PNPLA6: variants seen among roughly 807,000 people sequenced by gnomAD.
PNPLA6 encodes patatin like domain 6, lysophospholipase.
A neutral mutation model predicts 153.7 loss-of-function variants in PNPLA6; 105 were observed. The observed-to-expected ratio is 0.68, with a 90% CI of 0.58 to 0.80. PNPLA6 has a LOEUF of 0.80. Among genes scored for constraint, PNPLA6 ranks in the 30% least tolerant of loss-of-function variants. The pLI is 0.00. For synonymous variants in PNPLA6, 825 were observed against 822.2 expected, an observed-to-expected ratio of 1.00 and a Z score of -0.06; for missense variants, 1,423 against 1,919.3, an observed-to-expected ratio of 0.74 and a Z score of 4.83.
rs780867273 is a variant in PNPLA6 at position 7,558,832 on chromosome 19, A to AC, written c.3398-12dup. On this transcript the variant is annotated splice_polypyrimidine_tract_variant and intron_variant, in intron 27 of 31. Coordinates refer to ENST00000600737, the MANE Select transcript of PNPLA6 (RefSeq NM_001166114.2). ...GGCCCCCGAGGGGAGCAGCCCGCTG[A>AC]CCCCCCTGGCCCCACAGCGGACATC... 1.9e-5 allele frequency: 31 copies of AC among 1,596,206 alleles called. No individual in the cohort carries two copies. The South Asian group carries it at 2.5e-4, about 13-fold the overall frequency.
At position 7,542,633 on chromosome 19, in the gene PNPLA6, A is replaced by T; in HGVS notation, c.1325A>T (p.Glu442Val). 1.2e-6 allele frequency: 2 copies of T among 1,613,454 alleles called. No homozygotes were observed. Among genetic ancestry groups the T allele is most frequent in the Non-Finnish European group, 8.5e-7 (1 of 1,179,954 alleles). Residue 442 changes from glutamate to valine, a missense_variant, in exon 11 of 32, where the codon GAA becomes GTA. Glu to Val is a moderately radical substitution (Grantham distance 121). Around this residue, in one of 10 missense-constraint regions of PNPLA6, gnomAD observed 267 missense variants for 255.1 expected, o/e 1.05. Transcript: ENST00000600737. The stretch of plus-strand genomic sequence containing the variant: ...GGCCGGATCTCCGTGTCCCTGCAGG[A>T]AGAGGCCTCCGGGGGGTCCCTGGCA... ...ERGRISVSLQ[E>V]EASGGSLAAP...
rs769668311 is a variant in PNPLA6, at chr19:7,555,712, G to A, written c.3042G>A (p.Ala1014=). ...GCTCTTTCATCGGAGCGTTGTACGC[G>A]GAGGAGCGCAGCGCCAGCCGCACGA... ...SIGSFIGALY[A]EERSASRTKQ... Residue 1014 remains alanine, a synonymous_variant, in exon 24 of 32, where the codon GCG becomes GCA. Transcript: ENST00000600737. The surrounding 1 kb of genome is among the most constrained non-coding windows in gnomAD (Gnocchi z 6.3). The A allele has an allele frequency of 1.2e-6, 2 of 1,613,878 alleles. No individual in the cohort carries two copies. The highest frequency in any genetic ancestry group is 1.7e-6 in the Non-Finnish European group (2 of 1,179,896).
Position 7,559,372 on chromosome 19 carries a change from A to G in PNPLA6, c.3699+221A>G, listed in dbSNP as rs146280504. ...TGTAAGAACTTTCTCCTTATAGGCCAGCTGCACCCCTGGAAGCACTGTATA... is the reference window on the plus strand; with the variant it reads ...TGTAAGAACTTTCTCCTTATAGGCCGGCTGCACCCCTGGAAGCACTGTATA... On this transcript the variant is annotated intron_variant, in intron 28 of 31. Coordinates refer to ENST00000600737, the MANE Select transcript of PNPLA6 (RefSeq NM_001166114.2). 8.1e-3 allele frequency among the ~76,000 whole-genome samples: 1,232 copies of G among 152,306 alleles called. 9 individuals are homozygous for G. Among genetic ancestry groups the G allele is most frequent in the Middle Eastern group, 0.014 (4 of 294 alleles).
At chr19:7,542,466 C>G in intron 10 of PNPLA6, 95 bp from the exon 11 acceptor site, 2 of 938,574 alleles carry the variant, frequency 2.1e-6, no homozygotes, top group Non-Finnish European at 3.4e-6. Context: ...TCCCAAATAG[C>G]TGGAACTACA....
chr19:7,560,895 G>A (rs2024070190), intron 29 of PNPLA6, 119 bp from the exon 30 acceptor site: 1 of 853,350 alleles, frequency 1.2e-6, no homozygotes, highest in Admixed American at 2.0e-5. Flanking sequence ...GACCTCTGCT[G>A]ACTTCAGAGA....
intron 13 of PNPLA6, among the ~76,000 whole-genome samples, chr19:7,544,665 G>C (rs990537827): frequency 1.3e-5 from 2 of 152,032 alleles, no homozygotes; most frequent in African/African-American, 2.4e-5. Context: ...GCTTGGGGGA[G>C]AGAAGCCTGG....
At position 7,554,622 on chromosome 19, in the gene PNPLA6, C is replaced by T. The variant is rs774188638; in HGVS notation, c.2533C>T (p.Gln845Ter). ...GGATGCACACCGTATCGTACTCTAC[C>T]AGACGGACGCCTCGCTGACGCCCTG... Reference protein sequence around the residue: ...QEDAHRIVLYQTDASLTPWTV... With the variant: ...QEDAHRIVLY The change falls in exon 21 of 32, where the codon CAG becomes TAG. Residue 845 changes from glutamine (Q) to a stop codon, truncating the protein, a stop_gained. Coordinates refer to ENST00000600737, the MANE Select transcript of PNPLA6 (RefSeq NM_001166114.2). LOFTEE classifies it high-confidence loss of function. 25 of 1,614,066 alleles carry T rather than the reference C, an allele frequency of 1.5e-5. No homozygotes were observed. The highest frequency in any genetic ancestry group is 2.1e-5 in the Non-Finnish European group (25 of 1,179,996).
At chr19:7,536,426 C>T (rs1402605359) in intron 2 of PNPLA6, 23 bp from the exon 3 acceptor site, 1 of 1,553,830 alleles carries the variant, frequency 6.4e-7, no homozygotes, top group Admixed American at 1.7e-5. Flanking sequence ...GCAATTCACC[C>T]ATCTCCGCCT....
intron 18 of PNPLA6, among the ~76,000 whole-genome samples, chr19:7,553,342 C>T (rs979839845): frequency 6.6e-6 from 1 of 152,222 alleles, no homozygotes; most frequent in African/African-American, 2.4e-5. Flanking sequence ...ACCTCTGCCT[C>T]CCAGGTTCAA....
At position 7,550,741 on chromosome 19, in the gene PNPLA6, G is replaced by C. The variant is rs571932075; in HGVS notation, c.2070+101G>C. ...GGTAATCCAGGGAGTGGTGAATGCA[G>C]CTCCCGACCTCTGAGGTCACCCAGT... On this transcript the variant is annotated intron_variant, in intron 16 of 31. Coordinates refer to ENST00000600737, the MANE Select transcript of PNPLA6 (RefSeq NM_001166114.2). 2.3e-5 allele frequency: 34 copies of C among 1,448,746 alleles called. 1 individual carries two copies. In the East Asian group the frequency reaches 7.9e-4, roughly 34 times the overall value. 89.7% of individuals were successfully genotyped at this position (1,448,746 alleles called of 1,614,324 possible).
rs542305665 is a variant in PNPLA6 at position 7,545,687 on chromosome 19, G to A, written c.1608+2603G>A. 2.5e-4 allele frequency among the ~76,000 whole-genome samples: 38 copies of A among 152,178 alleles called. No homozygotes were observed. The South Asian group carries it at 7.7e-3, about 31-fold the overall frequency. Reference sequence around the variant, plus strand: ...AGCACCTTGGGAGGCCGAGGTGAGAGGATCACTTGAGGTCAGGAGTTCGAG... The same window carrying A: ...AGCACCTTGGGAGGCCGAGGTGAGAAGATCACTTGAGGTCAGGAGTTCGAG... On this transcript the variant is annotated intron_variant, in intron 13 of 31. Transcript: ENST00000600737.
At chr19:7,536,344 A>G in intron 2 of PNPLA6, 71 bp downstream of exon 2, 1 of 1,423,856 alleles carries the variant, frequency 7.0e-7, no homozygotes, top group Non-Finnish European at 9.9e-7. Flanking sequence ...TACACTTCTT[A>G]GTGTCCGCCA....
rs1315578792 is a variant in PNPLA6 at position 7,554,291 on chromosome 19, A to AGTGGGGAGGGTGGTGG, written c.2465+25_2465+40dup. 1 of 1,475,066 alleles carries AGTGGGGAGGGTGGTGG rather than the reference A, an allele frequency of 6.8e-7. No individual in the cohort carries two copies. Among genetic ancestry groups the AGTGGGGAGGGTGGTGG allele is most frequent in the African/African-American group, 1.4e-5 (1 of 71,030 alleles). 91.4% of individuals were successfully genotyped at this position (1,475,066 alleles called of 1,614,324 possible). ...TGGATAGGTGTGTGTTGCAGAAGGGAGTGGGGAGGGTGGTGGGTGGGCCTG... is the reference window on the plus strand; with the variant it reads ...TGGATAGGTGTGTGTTGCAGAAGGGAGTGGGGAGGGTGGTGGGTGGGGAGGGTGGTGGGTGGGCCTG... On this transcript the variant is annotated intron_variant, in intron 20 of 31. Transcript: ENST00000600737.
rs554624192 is a variant in PNPLA6, at chr19:7,542,568, G to A, written c.1260G>A (p.Gln420=). ...VSMPGDISGL[Q]GGPRSDFDMA... ...CCCCCTGCCTGCCTGCAGGCTTGCA[G>A]GGTGGCCCCCGCTCCGACTTCGACA... Residue 420 remains glutamine (Q), a synonymous_variant, in exon 11 of 32, where the codon CAG becomes CAA. Coordinates refer to ENST00000600737, the MANE Select transcript of PNPLA6 (RefSeq NM_001166114.2). The A allele has an allele frequency of 6.2e-7, 1 of 1,613,560 alleles. No homozygotes were observed. Among genetic ancestry groups the A allele is most frequent in the African/African-American group, 1.3e-5 (1 of 75,050 alleles).
chr19:7,538,903 A>G (rs1322455563), intron 3 of PNPLA6, among the ~76,000 whole-genome samples: 1 of 152,206 alleles, frequency 6.6e-6, no homozygotes, highest in Non-Finnish European at 1.5e-5. Flanking sequence ...AAACACAGGT[A>G]CCATTTCTGG....
At chr19:7,557,118 G>A (rs745983948) in intron 26 of PNPLA6, 50 bp from the exon 27 acceptor site, 14 of 1,378,032 alleles carry the variant, frequency 1.0e-5, no homozygotes, top group Middle Eastern at 2.2e-4. Context: ...GGCCTCCGGC[G>A]TGTCTGAGCG....
intron 16 of PNPLA6, 48 bp downstream of exon 16, chr19:7,550,688 C>T (rs779530125): frequency 1.2e-6 from 2 of 1,602,270 alleles, no homozygotes; most frequent in Middle Eastern, 2.2e-4. Flanking sequence ...CCAGGCCAGT[C>T]CCTCGACAAC....
chr19:7,553,840 C>T (rs1231352259), intron 18 of PNPLA6, 35 bp from the exon 19 acceptor site: 39 of 1,613,816 alleles, frequency 2.4e-5, no homozygotes, highest in Non-Finnish European at 2.7e-5. Flanking sequence ...GACACAGGTT[C>T]GCACCACAAA....
rs148736796 is a variant in PNPLA6 at position 7,559,905 on chromosome 19, C to T, written c.3700-743C>T. On this transcript the variant is annotated intron_variant, in intron 28 of 31. Coordinates refer to ENST00000600737, the MANE Select transcript of PNPLA6 (RefSeq NM_001166114.2). Reference sequence around the variant, plus strand: ...ATTTAATCCCAGCATTTTGGGAGGCCGAGGTGGGCAGATCACTTGAAGTCA... The same window carrying T: ...ATTTAATCCCAGCATTTTGGGAGGCTGAGGTGGGCAGATCACTTGAAGTCA... 5.5e-3 allele frequency among the ~76,000 whole-genome samples: 830 copies of T among 150,216 alleles called. 7 individuals are homozygous for T. The highest frequency in any genetic ancestry group is 0.019 in the African/African-American group (792 of 40,774).
Sources: allele counts gnomAD v4.1 joint callset (sites outside exome capture counted in the v4.1 genomes callset), GRCh38; gene constraint gnomAD v4.1.1; regional missense constraint gnomAD v4.1.1; non-coding constraint Gnocchi (gnomAD v3.1); transcripts MANE v1.5; gene names NCBI Gene and HGNC (gene_info 2026-07-23, HGNC 2026-07-21).